PTK2: variants seen among roughly 807,000 people sequenced by gnomAD.
The protein encoded by PTK2 is focal adhesion kinase 1.
A neutral mutation model predicts 150.1 loss-of-function variants in PTK2; 45 were observed. That is an observed-to-expected ratio of 0.30 (90% CI 0.24 to 0.38). The LOEUF is 0.38. Ranked by LOEUF, PTK2 falls within the 10% of genes least tolerant of loss-of-function variation. The pLI, the probability that PTK2 is intolerant of heterozygous loss-of-function variation, is 1.00. For synonymous variants in PTK2, 432 were observed against 449.2 expected, an observed-to-expected ratio of 0.96 and a Z score of 0.48; for missense variants, 919 against 1,307.3, an observed-to-expected ratio of 0.70 and a Z score of 4.58.
chr8:140,948,930 T>C (rs1368467956), intron 1 of PTK2, among the ~76,000 whole-genome samples: 1 of 152,094 alleles, frequency 6.6e-6, no homozygotes, highest in African/African-American at 2.4e-5. Flanking sequence ...GGTCCACGTA[T>C]AGGGGGATTT....
chr8:140,721,394 A>G (rs945541749), intron 22 of PTK2, among the ~76,000 whole-genome samples: 23 of 152,332 alleles, frequency 1.5e-4, no homozygotes, highest in African/African-American at 5.1e-4. Flanking sequence ...AGATGTTACA[A>G]CTATAAGGAA....
chr8:140,782,830 A>T (rs2100082615), intron 14 of PTK2, among the ~76,000 whole-genome samples: 2 of 152,206 alleles, frequency 1.3e-5, no homozygotes, highest in Admixed American at 6.5e-5. Context: ...GTTGGAACTG[A>T]GTCAGCACTA....
chr8:140,857,790 G>A (rs1328916532), intron 5 of PTK2, among the ~76,000 whole-genome samples: 1 of 152,160 alleles, frequency 6.6e-6, no homozygotes, highest in African/African-American at 2.4e-5. Context: ...CCATTTGGTA[G>A]TAACTTGTTT....
At chr8:140,921,505 T>G (rs1332042182) in intron 2 of PTK2, among the ~76,000 whole-genome samples, 3 of 152,240 alleles carry the variant, frequency 2.0e-5, no homozygotes, top group Non-Finnish European at 4.4e-5. Flanking sequence ...AATAATTACT[T>G]TGATGAAATA....
At chr8:140,877,382 A>T (rs1025076911) in intron 4 of PTK2, among the ~76,000 whole-genome samples, 1 of 152,134 alleles carries the variant, frequency 6.6e-6, no homozygotes, top group Non-Finnish European at 1.5e-5. Flanking sequence ...AGTATTTAAG[A>T]CAACATTATT....
intron 30 of PTK2, among the ~76,000 whole-genome samples, 191 bp from the exon 35 acceptor site, chr8:140,665,188 C>G (rs2089314147): frequency 1.3e-5 from 2 of 152,044 alleles, no homozygotes; most frequent in Admixed American, 1.3e-4. Context: ...TCTGACTGTT[C>G]ATTGCTCTAA....
intron 7 of PTK2, among the ~76,000 whole-genome samples, chr8:140,834,316 A>G (rs1567225022): frequency 6.6e-6 from 1 of 152,190 alleles, no homozygotes; most frequent in Non-Finnish European, 1.5e-5. Context: ...CTTGCTCAGA[A>G]AGACTGGGGA....
At chr8:140,785,600 A>G (rs2100084487) in intron 14 of PTK2, among the ~76,000 whole-genome samples, 1 of 152,190 alleles carries the variant, frequency 6.6e-6, no homozygotes, top group South Asian at 2.1e-4. Context: ...GGAGAGCCAG[A>G]CAAATCCCAT....
At chr8:140,889,238 T>C (rs1344696409) in intron 3 of PTK2, among the ~76,000 whole-genome samples, 2 of 152,166 alleles carry the variant, frequency 1.3e-5, no homozygotes, top group Non-Finnish European at 2.9e-5. Flanking sequence ...TTTTTTTTCT[T>C]TTTTTTCTTT....
chr8:140,752,268 A>T (rs1174728451), exon 17 of PTK2: 3 of 1,614,140 alleles, frequency 1.9e-6, no homozygotes, highest in Non-Finnish European at 2.5e-6. Context: ...ACGCTGTCCG[A>T]AGTACAGTTT....
upstream of PTK2, among the ~76,000 whole-genome samples, chr8:141,001,715 C>G (rs892256248): frequency 6.6e-6 from 1 of 152,198 alleles, no homozygotes; most frequent in East Asian, 1.9e-4. Flanking sequence ...CCTGCGGCCC[C>G]GCCCCCAGAG....
chr8:140,678,017 A>G (rs1279798152), intron 27 of PTK2, among the ~76,000 whole-genome samples: 1 of 152,154 alleles, frequency 6.6e-6, no homozygotes, highest in African/African-American at 2.4e-5. Flanking sequence ...GCTGGGATAG[A>G]AGGAGAGGAA....
intron 23 of PTK2, among the ~76,000 whole-genome samples, chr8:140,707,931 C>G (rs1486290416): frequency 6.6e-6 from 1 of 152,174 alleles, no homozygotes; most frequent in African/African-American, 2.4e-5. Flanking sequence ...TGACTGGCTT[C>G]TAGTTCCTCA....
At chr8:140,920,377 C>T (rs1019213917) in intron 2 of PTK2, among the ~76,000 whole-genome samples, 7 of 151,822 alleles carry the variant, frequency 4.6e-5, no homozygotes, top group Admixed American at 2.0e-4. Context: ...ACAATAATAC[C>T]GAGTTTCAAA....
chr8:140,679,869 G>A (rs751692346), intron 27 of PTK2, among the ~76,000 whole-genome samples: 2 of 152,198 alleles, frequency 1.3e-5, no homozygotes, highest in Non-Finnish European at 2.9e-5. Flanking sequence ...TAAAGCTGGA[G>A]TGTTTCACAA....
intron 14 of PTK2, among the ~76,000 whole-genome samples, chr8:140,767,114 TAGA>T (rs2100072717): frequency 6.6e-6 from 1 of 152,228 alleles, no homozygotes; most frequent in South Asian, 2.1e-4. Flanking sequence ...AAATCCTCAG[TAGA>T]GATACCAACC....
At chr8:140,913,371 T>A (rs376499701) in intron 2 of PTK2, among the ~76,000 whole-genome samples, 5 of 151,832 alleles carry the variant, frequency 3.3e-5, no homozygotes, top group Admixed American at 2.6e-4. Flanking sequence ...TCTTTGCTCA[T>A]TGCAACCTCA....
At chr8:140,946,286 T>A (rs2100177657) in intron 1 of PTK2, among the ~76,000 whole-genome samples, 1 of 152,274 alleles carries the variant, frequency 6.6e-6, no homozygotes, top group Admixed American at 6.5e-5. Flanking sequence ...AATGCAACCA[T>A]ACTACTTCAA....
intron 12 of PTK2, 62 bp downstream of exon 12, chr8:140,800,397 G>A: frequency 7.6e-7 from 1 of 1,322,974 alleles, no homozygotes; most frequent in South Asian, 1.2e-5. Flanking sequence ...GGCTGTTAGG[G>A]GCAAGCACAG....
Sources: allele counts gnomAD v4.1 joint callset (sites outside exome capture counted in the v4.1 genomes callset), GRCh38; gene constraint gnomAD v4.1.1; transcripts MANE v1.5; gene names NCBI Gene and HGNC (gene_info 2026-07-23, HGNC 2026-07-21).